HIVEP3: variants seen among roughly 807,000 people sequenced by gnomAD.
HIVEP3 encodes transcription factor HIVEP3.
Under a neutral mutation model 152.8 loss-of-function variants are expected in HIVEP3, and 49 were observed. The observed-to-expected ratio is 0.32, with a 90% CI of 0.26 to 0.41. The LOEUF (loss-of-function observed/expected upper bound fraction) is 0.41. Ranked by LOEUF, HIVEP3 falls within the 10% of genes least tolerant of loss-of-function variation. The pLI is 1.00. For synonymous variants in HIVEP3, 1,269 were observed against 1,289.0 expected (o/e 0.98, Z 0.33); for missense variants, 2,790 against 3,103.3 (o/e 0.90, Z 2.40).
chr1:41,558,004 G>A (rs1302442803), intron 5 of HIVEP3, among the ~76,000 whole-genome samples: 1 of 152,206 alleles, frequency 6.6e-6, no homozygotes, highest in African/African-American at 2.4e-5. Context: ...ACGAACAAAT[G>A]GAGCTACACG....
intron 1 of HIVEP3, among the ~76,000 whole-genome samples, chr1:41,775,221 A>G (rs552466365): frequency 6.6e-6 from 1 of 152,194 alleles, no homozygotes; most frequent in Non-Finnish European, 1.5e-5. Context: ...CCATTCGTCC[A>G]TCATATTCTG....
chr1:41,606,742 A>G (rs1450507067), intron 3 of HIVEP3, among the ~76,000 whole-genome samples: 1 of 151,846 alleles, frequency 6.6e-6, no homozygotes, highest in Non-Finnish European at 1.5e-5. Flanking sequence ...TATTTTTTTC[A>G]AAGTTTGACA....
intron 1 of HIVEP3, among the ~76,000 whole-genome samples, chr1:41,930,033 G>A (rs1423819099): frequency 6.6e-6 from 1 of 151,944 alleles, no homozygotes; most frequent in African/African-American, 2.4e-5. Context: ...AAGTTACTTA[G>A]GTCAGCTCCC....
At chr1:41,819,355 G>T (rs1392294292) in intron 1 of HIVEP3, among the ~76,000 whole-genome samples, 6 of 151,742 alleles carry the variant, frequency 4.0e-5, no homozygotes, top group Admixed American at 6.6e-5. Flanking sequence ...TCTTGCTAAA[G>T]AATTCTTTAT....
intron 1 of HIVEP3, among the ~76,000 whole-genome samples, chr1:41,859,902 A>G (rs1643866390): frequency 6.6e-6 from 1 of 152,088 alleles, no homozygotes; most frequent in Admixed American, 6.5e-5. Context: ...CTCAAAGTGA[A>G]CTCCCTACCG....
rs777497573 is a variant in HIVEP3 at position 41,583,108 on chromosome 1, C to T, written c.1690G>A (p.Asp564Asn). 8.1e-6 allele frequency: 13 copies of T among 1,613,118 alleles called. No homozygotes were observed. In the African/African-American group the frequency reaches 1.1e-4, roughly 13 times the overall value. ...HHPFRGSYSFDDHITDSEALS... is the reference protein window; with the variant it reads ...HHPFRGSYSFNDHITDSEALS... ...GCTTCGGAGTCGGTGATATGGTCAT[C>T]GAAGGAGTAGCTACCTCGGAAGGGG... is the stretch of plus-strand genomic sequence containing the variant. The change falls in exon 4 of 9, where the codon GAT becomes AAT. Residue 564 changes from aspartate to asparagine, a missense_variant. Asp to Asn is a conservative substitution (Grantham distance 23). Coordinates refer to ENST00000372583, the MANE Select transcript of HIVEP3 (RefSeq NM_024503.5). This position sits in a 1 kb window ranked among gnomAD's most constrained non-coding sequence, Gnocchi z 6.9.
At chr1:41,824,754 T>C (rs1490751474) in intron 1 of HIVEP3, among the ~76,000 whole-genome samples, 6 of 6,220 alleles carry the variant, frequency 9.6e-4, no homozygotes, top group Non-Finnish European at 3.2e-3. Context: ...TATATATATA[T>C]ATATATATAT....
chr1:41,734,275 C>T (rs1264171725), intron 1 of HIVEP3, among the ~76,000 whole-genome samples: 1 of 152,214 alleles, frequency 6.6e-6, no homozygotes, highest in Admixed American at 6.5e-5. Context: ...GTGGCCTTGG[C>T]CAGCCAGTAA....
At chr1:41,884,495 G>T (rs1231034891) in intron 1 of HIVEP3, among the ~76,000 whole-genome samples, 1 of 152,160 alleles carries the variant, frequency 6.6e-6, no homozygotes, top group African/African-American at 2.4e-5. Context: ...AGGACGTTGG[G>T]GAATGCGGAC....
chr1:41,948,369 G>A (rs1282762229), intron 1 of HIVEP3, among the ~76,000 whole-genome samples: 1 of 152,226 alleles, frequency 6.6e-6, no homozygotes, highest in African/African-American at 2.4e-5. Flanking sequence ...AATATGGAGA[G>A]AAAGGGAATT....
chr1:41,527,394 T>C (rs1197451881), intron 5 of HIVEP3, among the ~76,000 whole-genome samples: 4 of 101,660 alleles, frequency 3.9e-5, no homozygotes, highest in Non-Finnish European at 8.1e-5. Context: ...GCACTCACAC[T>C]CCACACCCTG....
At position 41,976,667 on chromosome 1, in the gene HIVEP3, T is replaced by C. The variant is rs562524499; in HGVS notation, n.120-58143A>G. The stretch of plus-strand genomic sequence containing the variant: ...TCATAGTAATTCAGAACTGCTGTTA[T>C]AGCACTAGGTTTGCTGCAGATGTAA... On this transcript the variant is annotated intron_variant and non_coding_transcript_variant, in intron 1 of 3. Coordinates refer to the HIVEP3 transcript ENST00000489103. Among the ~76,000 whole-genome samples the C allele has an allele frequency of 4.6e-5, 7 of 152,380 alleles. No homozygotes were observed. The South Asian group carries it at 1.4e-3, about 32-fold the overall frequency.
At chr1:42,032,223 C>T (rs747002203) in intron 1 of HIVEP3, among the ~76,000 whole-genome samples, 5 of 152,212 alleles carry the variant, frequency 3.3e-5, no homozygotes, top group Non-Finnish European at 7.3e-5. Context: ...TCCTCTCACA[C>T]ACAAAATGCT....
chr1:41,792,778 T>C (rs1358704326), intron 1 of HIVEP3, among the ~76,000 whole-genome samples: 1 of 152,212 alleles, frequency 6.6e-6, no homozygotes, highest in Non-Finnish European at 1.5e-5. Flanking sequence ...CTTCATTGCA[T>C]ACACTGAAGA....
intron 5 of HIVEP3, among the ~76,000 whole-genome samples, chr1:41,550,251 T>C (rs1023730872): frequency 6.6e-6 from 1 of 152,206 alleles, no homozygotes; most frequent in African/African-American, 2.4e-5. Flanking sequence ...GTTTTAGTAC[T>C]AGTACCATGC....
intron 5 of HIVEP3, among the ~76,000 whole-genome samples, chr1:41,554,954 A>G (rs1265323608): frequency 6.6e-6 from 1 of 152,162 alleles, no homozygotes; most frequent in Non-Finnish European, 1.5e-5. Context: ...GGGGTCAAGA[A>G]CCCACTTGAG....
intron 1 of HIVEP3, among the ~76,000 whole-genome samples, chr1:41,839,374 G>T (rs187250312): frequency 6.6e-6 from 1 of 152,170 alleles, no homozygotes; most frequent in African/African-American, 2.4e-5. Flanking sequence ...GGTTCCTTCT[G>T]GTTCTAAAGA....
At chr1:41,820,560 T>G (rs1642565542) in intron 1 of HIVEP3, among the ~76,000 whole-genome samples, 1 of 152,262 alleles carries the variant, frequency 6.6e-6, no homozygotes, top group Non-Finnish European at 1.5e-5. Context: ...CCAAGGATAA[T>G]GTAGTTATTT....
At chr1:41,606,102 T>C (rs1010838749) in intron 3 of HIVEP3, among the ~76,000 whole-genome samples, 9 of 152,118 alleles carry the variant, frequency 5.9e-5, no homozygotes, top group Admixed American at 3.3e-4. Flanking sequence ...CACTTGGTTA[T>C]GGTACTGACT....
Sources: allele counts gnomAD v4.1 joint callset (sites outside exome capture counted in the v4.1 genomes callset), GRCh38; gene constraint gnomAD v4.1.1; non-coding constraint Gnocchi (gnomAD v3.1); transcripts MANE v1.5; gene names NCBI Gene and HGNC (gene_info 2026-07-23, HGNC 2026-07-21).